ZDHHC14: variants seen among roughly 807,000 people sequenced by gnomAD.
ZDHHC14 encodes the protein zDHHC palmitoyltransferase 14, also known as palmitoyltransferase ZDHHC14.
A neutral mutation model predicts 47.7 loss-of-function variants in ZDHHC14; 16 were observed. The ratio of observed to expected loss-of-function variants is 0.34; its 90% confidence interval spans 0.23 to 0.51. ZDHHC14 has a LOEUF of 0.51. Among genes scored for constraint, ZDHHC14 ranks in the 20% least tolerant of loss-of-function variants. The pLI is 0.97. For synonymous variants in ZDHHC14, 293 were observed against 278.9 expected (o/e 1.05, Z -0.50); for missense variants, 515 against 662.5 (o/e 0.78, Z 2.44).
At chr6:157,486,159 GA>G (rs1403253738) in intron 1 of ZDHHC14, among the ~76,000 whole-genome samples, 1 of 152,186 alleles carries the variant, frequency 6.6e-6, no homozygotes, top group Non-Finnish European at 1.5e-5. Context: ...GCCTCTGTAT[GA>G]CAGTCTCTAG....
At position 157,645,761 on chromosome 6, in the gene ZDHHC14, C is replaced by T. The variant is rs1485761277; in HGVS notation, c.777C>T (p.Phe259=). The part of the protein sequence containing the change: ...PASVLEAVVC[F]FSVWSIVGLS... ...CCGTCCTGGAGGCTGTGGTGTGCTTCTTCTCTGTCTGGTCCATCGTTGGCC... is the reference window on the plus strand; with the variant it reads ...CCGTCCTGGAGGCTGTGGTGTGCTTTTTCTCTGTCTGGTCCATCGTTGGCC... The change falls in exon 6 of 9, where the codon TTC becomes TTT. Residue 259 remains phenylalanine, a synonymous_variant. Coordinates refer to ENST00000359775, the MANE Select transcript of ZDHHC14 (RefSeq NM_024630.3). The T allele has an allele frequency of 3.1e-6, 5 of 1,614,014 alleles. No individual in the cohort carries two copies. Among genetic ancestry groups the T allele is most frequent in the Non-Finnish European group, 4.2e-6 (5 of 1,180,030 alleles).
At chr6:157,540,431 C>G (rs536481823) in intron 1 of ZDHHC14, among the ~76,000 whole-genome samples, 2 of 152,224 alleles carry the variant, frequency 1.3e-5, no homozygotes, top group South Asian at 4.1e-4. Context: ...GTCTCAGACC[C>G]AAAAAGGAAA....
In ZDHHC14 at chr6:157,381,891, G is replaced by A. The variant is rs1777218292; in HGVS notation, c.-131G>A. Reference sequence around the variant, plus strand: ...CTCGGCAAAGTTGTCGCCGAGCCGGGAGCCCGTGTAGGGGCCGCGGCGCCG... The same window carrying A: ...CTCGGCAAAGTTGTCGCCGAGCCGGAAGCCCGTGTAGGGGCCGCGGCGCCG... On this transcript the variant is annotated 5_prime_UTR_variant, in exon 1 of 9. Transcript: ENST00000359775. 1 of 779,324 alleles carries A rather than the reference G, an allele frequency of 1.3e-6. No individual in the cohort carries two copies. The highest frequency in any genetic ancestry group is 1.9e-5 in the African/African-American group (1 of 52,406). 48.3% of individuals were successfully genotyped at this position (779,324 alleles called of 1,614,324 possible).
intron 8 of ZDHHC14, among the ~76,000 whole-genome samples, chr6:157,662,682 G>C (rs563983752): frequency 6.6e-6 from 1 of 152,372 alleles, no homozygotes; most frequent in African/African-American, 2.4e-5. Flanking sequence ...TCTCTTTGAT[G>C]TAGTGACATG....
chr6:157,387,164 ATCTT>A (rs1019922185), intron 1 of ZDHHC14, among the ~76,000 whole-genome samples: 9 of 152,114 alleles, frequency 5.9e-5, no homozygotes, highest in Admixed American at 2.0e-4. Context: ...TTTTTAAAAA[ATCTT>A]TCTTTCTCTC....
At position 157,520,466 on chromosome 6, in the gene ZDHHC14, A is replaced by G. The variant is rs922168198; in HGVS notation, c.246-22119A>G. Among the ~76,000 whole-genome samples, 11 of 152,340 alleles carry G rather than the reference A, an allele frequency of 7.2e-5. No homozygotes were observed. In the South Asian group the frequency reaches 1.0e-3, roughly 14 times the overall value. On this transcript the variant is annotated intron_variant, in intron 1 of 8. Coordinates refer to ENST00000359775, the MANE Select transcript of ZDHHC14 (RefSeq NM_024630.3). Reference sequence around the variant, plus strand: ...AACGTAAGTTTATAGGAAGGGAAATATGGTTTTCAAAGGCATACATCTACA... The same window carrying G: ...AACGTAAGTTTATAGGAAGGGAAATGTGGTTTTCAAAGGCATACATCTACA...
chr6:157,530,225 ATGGACCTTCCCTC>A (rs1403469503), intron 1 of ZDHHC14, among the ~76,000 whole-genome samples: 2 of 152,246 alleles, frequency 1.3e-5, no homozygotes, highest in Admixed American at 6.5e-5. Flanking sequence ...TCTAGCAGGC[ATGGACCTTCCCTC>A]TGGATCTGTT....
At chr6:157,483,158 C>A (rs1779674414) in intron 1 of ZDHHC14, among the ~76,000 whole-genome samples, 1 of 152,158 alleles carries the variant, frequency 6.6e-6, no homozygotes, top group African/African-American at 2.4e-5. Flanking sequence ...TCTCTCTGGG[C>A]AGCATTTTGA....
intron 8 of ZDHHC14, 100 bp from the exon 9 acceptor site, chr6:157,672,624 A>AGG: frequency 3.7e-6 from 1 of 273,142 alleles, no homozygotes; most frequent in Non-Finnish European, 7.2e-6. Context: ...CTCTTCTCGC[A>AGG]CCCCACCCTC....
intron 1 of ZDHHC14, among the ~76,000 whole-genome samples, chr6:157,428,941 G>T (rs1778281313): frequency 6.6e-6 from 1 of 152,126 alleles, no homozygotes; most frequent in Non-Finnish European, 1.5e-5. Context: ...GTGAGTCACG[G>T]TTTTCCACAT....
chr6:157,655,438 G>A (rs1778041857), intron 8 of ZDHHC14, among the ~76,000 whole-genome samples: 2 of 152,196 alleles, frequency 1.3e-5, no homozygotes, highest in African/African-American at 2.4e-5. Context: ...TACACTGCAT[G>A]CCTGCAAGCG....
At chr6:157,430,589 A>C (rs1475693740) in intron 1 of ZDHHC14, among the ~76,000 whole-genome samples, 1 of 152,294 alleles carries the variant, frequency 6.6e-6, no homozygotes, top group East Asian at 1.9e-4. Context: ...TCCAACTTTT[A>C]AGGACCCATG....
intron 1 of ZDHHC14, among the ~76,000 whole-genome samples, chr6:157,479,410 G>A (rs762207546): frequency 1.3e-5 from 2 of 152,124 alleles, no homozygotes; most frequent in Non-Finnish European, 2.9e-5. Flanking sequence ...ATTGATTTCT[G>A]ACAATCGGTT....
rs773638693 is a variant in ZDHHC14, at chr6:157,677,391, C to A, written c.*4269C>A. The A allele has an allele frequency of 1.3e-5, 2 of 150,844 alleles. No homozygotes were observed. Among genetic ancestry groups the A allele is most frequent in the Non-Finnish European group, 2.9e-5 (2 of 67,904 alleles). 9.3% of individuals were successfully genotyped at this position (150,844 alleles called of 1,614,324 possible). On this transcript the variant is annotated 3_prime_UTR_variant, in exon 9 of 9. Transcript: ENST00000359775. Reference sequence around the variant, plus strand: ...TCAAAGATGGTAATAGTTTGTAAATCAGTAAATCCTCTGTCCATCTGCCCA... The same window carrying A: ...TCAAAGATGGTAATAGTTTGTAAATAAGTAAATCCTCTGTCCATCTGCCCA...
In ZDHHC14 at chr6:157,472,343, C is replaced by T. The variant is rs1225393176; in HGVS notation, c.246-70242C>T. Among the ~76,000 whole-genome samples the T allele has an allele frequency of 2.0e-5, 3 of 152,132 alleles. No homozygotes were observed. The East Asian group carries it at 5.8e-4, about 30-fold the overall frequency. ...TAGAGCCGTGCACTCGCTGGATAGA[C>T]ATTTATCTCCATGTGGAGGACTGGG... On this transcript the variant is annotated intron_variant, in intron 1 of 8. Transcript: ENST00000359775.
intron 2 of ZDHHC14, among the ~76,000 whole-genome samples, chr6:157,565,707 T>C (rs1782876135): frequency 2.0e-5 from 3 of 150,990 alleles, no homozygotes; most frequent in Admixed American, 2.0e-4. Flanking sequence ...TATGGGGGGC[T>C]GAGGCAGGAG....
intron 1 of ZDHHC14, among the ~76,000 whole-genome samples, chr6:157,519,547 A>G (rs931340423): frequency 1.3e-5 from 2 of 152,136 alleles, no homozygotes; most frequent in African/African-American, 4.8e-5. Flanking sequence ...TGTTCATAGA[A>G]ACATTAATTG....
chr6:157,670,411 A>G (rs545443255), intron 8 of ZDHHC14, among the ~76,000 whole-genome samples: 56 of 152,206 alleles, frequency 3.7e-4, no homozygotes, highest in Non-Finnish European at 7.2e-4. Flanking sequence ...CTCCTACCTC[A>G]GCCTCCTGAG....
chr6:157,416,770 C>A (rs1027019762), intron 1 of ZDHHC14, among the ~76,000 whole-genome samples: 2 of 149,852 alleles, frequency 1.3e-5, no homozygotes, highest in African/African-American at 4.9e-5. Context: ...AATTCACCTC[C>A]CACTTGCCAC....
Sources: allele counts gnomAD v4.1 joint callset (sites outside exome capture counted in the v4.1 genomes callset), GRCh38; gene constraint gnomAD v4.1.1; transcripts MANE v1.5; gene names NCBI Gene and HGNC (gene_info 2026-07-23, HGNC 2026-07-21).